Variants in EDIL3 observed in about 807,000 individuals in gnomAD.
EDIL3 encodes the protein EGF-like repeat and discoidin I-like domain-containing protein 3.
In EDIL3, 37 loss-of-function variants were observed where a neutral mutation model predicts 67.4. That is an observed-to-expected ratio of 0.55 (90% CI 0.42 to 0.72). EDIL3 has a LOEUF of 0.72. Ranked by LOEUF, EDIL3 falls within the 30% of genes least tolerant of loss-of-function variation. EDIL3 has a pLI of 0.00. For synonymous variants in EDIL3, 195 were observed against 196.3 expected, an observed-to-expected ratio of 0.99 and a Z score of 0.05; for missense variants, 527 against 586.3, an observed-to-expected ratio of 0.90 and a Z score of 1.04.
chr5:84,346,186 A>AGTGCAGTG (rs1185728514), intron 1 of EDIL3, among the ~76,000 whole-genome samples: 1 of 126,784 alleles, frequency 7.9e-6, no homozygotes, highest in Non-Finnish European at 1.5e-5. Flanking sequence ...CCCAGGCTGG[A>AGTGCAGTG]GTGCAGTGGT....
intron 4 of EDIL3, among the ~76,000 whole-genome samples, chr5:84,172,526 G>A (rs914496891): frequency 6.6e-6 from 1 of 152,076 alleles, no homozygotes; most frequent in Non-Finnish European, 1.5e-5. Flanking sequence ...GTTGCAGTGA[G>A]CCAGGATTGC....
At position 84,142,829 on chromosome 5, in the gene EDIL3, C is replaced by G. The variant is rs78303919; in HGVS notation, c.356-5475G>C. On this transcript the variant is annotated intron_variant, in intron 4 of 10. Transcript: ENST00000296591. ...ACAATGATAGACGGTGCCCCCCCCC[C>G]CAAGCTTTTTTTTCTTTTGCGAAGA... Among the ~76,000 whole-genome samples the G allele has an allele frequency of 5.9e-3, 867 of 145,794 alleles. 16 individuals are homozygous for G. Among genetic ancestry groups the G allele is most frequent in the East Asian group, 0.043 (195 of 4,496 alleles).
At chr5:84,284,244 T>C (rs1745764388) in intron 1 of EDIL3, among the ~76,000 whole-genome samples, 1 of 152,192 alleles carries the variant, frequency 6.6e-6, no homozygotes, top group African/African-American at 2.4e-5. Context: ...ATTCTGTATG[T>C]ATATGTTTAT....
At chr5:84,277,300 C>G (rs902010054) in intron 1 of EDIL3, among the ~76,000 whole-genome samples, 2 of 151,954 alleles carry the variant, frequency 1.3e-5, no homozygotes, top group Admixed American at 1.3e-4. Flanking sequence ...GAGGTTATAC[C>G]GAGAAGAGAG....
At chr5:84,323,838 A>G (rs1294039199) in intron 1 of EDIL3, among the ~76,000 whole-genome samples, 1 of 151,940 alleles carries the variant, frequency 6.6e-6, no homozygotes, top group Non-Finnish European at 1.5e-5. Context: ...TTAGATATCA[A>G]TAAGTTTTCA....
chr5:84,116,636 C>T (rs180806779), intron 5 of EDIL3, among the ~76,000 whole-genome samples: 1 of 152,204 alleles, frequency 6.6e-6, no homozygotes, highest in East Asian at 1.9e-4. Flanking sequence ...ACTAATTGAA[C>T]CTTCCTACAA....
chr5:84,190,571 GTGTGTGTGTATA>G (rs1203255476), intron 3 of EDIL3, among the ~76,000 whole-genome samples: 84 of 63,222 alleles, frequency 1.3e-3, no homozygotes, highest in Middle Eastern at 6.9e-3. Context: ...GTGTGTGTGT[GTGTGTGTGTATA>G]TATATATATA....
At chr5:83,963,455 TA>T in intron 9 of EDIL3, 95 bp from the exon 10 acceptor site, 1 of 1,317,048 alleles carries the variant, frequency 7.6e-7, no homozygotes, top group Non-Finnish European at 1.0e-6. Flanking sequence ...ATATATATCC[TA>T]AAATCAAAAA....
intron 4 of EDIL3, among the ~76,000 whole-genome samples, chr5:84,156,651 T>C (rs1041125875): frequency 6.6e-6 from 1 of 152,156 alleles, no homozygotes; most frequent in African/African-American, 2.4e-5. Context: ...ATGAAGAGGC[T>C]TTTTTAGCAC....
intron 1 of EDIL3, among the ~76,000 whole-genome samples, chr5:84,376,563 A>G (rs550566875): frequency 6.6e-6 from 1 of 152,366 alleles, no homozygotes; most frequent in South Asian, 2.1e-4. Context: ...GTGTTGAGAA[A>G]TATTTTCAAA....
intron 9 of EDIL3, among the ~76,000 whole-genome samples, chr5:83,996,458 G>C (rs1207862171): frequency 6.6e-6 from 1 of 152,140 alleles, no homozygotes; most frequent in Non-Finnish European, 1.5e-5. Flanking sequence ...CTCAAATTAA[G>C]AGCCACCATT....
intron 9 of EDIL3, chr5:84,048,211 T>C (rs959040627): frequency 2.3e-6 from 1 of 427,740 alleles, no homozygotes; most frequent in Non-Finnish European, 4.6e-6. Context: ...ATCCTTCATA[T>C]TGACAAATGT....
intron 1 of EDIL3, among the ~76,000 whole-genome samples, chr5:84,379,574 G>A (rs984059103): frequency 6.6e-6 from 1 of 152,068 alleles, no homozygotes; most frequent in Non-Finnish European, 1.5e-5. Flanking sequence ...TGAAGAATAA[G>A]CTTAGAAATC....
At chr5:84,048,310 G>A (rs985515854) in intron 9 of EDIL3, 2 of 420,202 alleles carry the variant, frequency 4.8e-6, no homozygotes, top group Non-Finnish European at 9.5e-6. Context: ...ATAAGTTAAT[G>A]CTTTAATGAA....
intron 6 of EDIL3, among the ~76,000 whole-genome samples, chr5:84,098,967 G>A (rs1747313838): frequency 6.6e-6 from 1 of 152,082 alleles, no homozygotes; most frequent in Non-Finnish European, 1.5e-5. Context: ...AATTGTGAAT[G>A]GGAGTTCACT....
chr5:84,350,473 A>C (rs1747331333), intron 1 of EDIL3, among the ~76,000 whole-genome samples: 1 of 152,056 alleles, frequency 6.6e-6, no homozygotes. Context: ...GATTTAGTAC[A>C]ATCATATGCA....
intron 1 of EDIL3, among the ~76,000 whole-genome samples, chr5:84,374,051 A>G (rs1001179329): frequency 1.7e-4 from 26 of 152,196 alleles, no homozygotes; most frequent in Non-Finnish European, 3.1e-4. Context: ...GAAGTAAAGC[A>G]TGTTATGAAG....
chr5:83,961,260 C>G (rs1476159418), intron 10 of EDIL3, among the ~76,000 whole-genome samples: 4 of 150,946 alleles, frequency 2.6e-5, no homozygotes, highest in Admixed American at 1.3e-4. Context: ...AGAGACAAAT[C>G]CATAATGACA....
At chr5:84,056,030 C>A (rs1344518647) in intron 9 of EDIL3, among the ~76,000 whole-genome samples, 2 of 152,076 alleles carry the variant, frequency 1.3e-5, no homozygotes, top group African/African-American at 2.4e-5. Flanking sequence ...TTGCAGCACT[C>A]CTCACAATAG....
Sources: gnomAD v4.1 joint callset for allele counts (sites outside exome capture counted in the v4.1 genomes callset) on GRCh38, gnomAD v4.1.1 for gene constraint, MANE v1.5 for transcripts, NCBI Gene and HGNC (gene_info 2026-07-23, HGNC 2026-07-21) for gene names.